The following ADAM12 variants were observed in gnomAD, a reference collection of about 807,000 sequenced individuals.
ADAM12 encodes the protein ADAM metallopeptidase domain 12.
A neutral mutation model predicts 106.4 loss-of-function variants in ADAM12; 70 were observed. The ratio of observed to expected loss-of-function variants is 0.66; its 90% CI spans 0.54 to 0.80. The LOEUF is 0.80. Among genes scored for constraint, ADAM12 ranks in the 30% least tolerant of loss-of-function variants. The probability of loss-of-function intolerance (pLI) is 0.00; values close to 1 mark genes in which losing one functional copy is unlikely to be tolerated. For missense variants in ADAM12, 1,010 were observed against 1,171.9 expected (o/e 0.86, Z 2.02); for synonymous variants, 420 against 433.5 (o/e 0.97, Z 0.39).
At chr10:126,148,678 TC>T (rs1956673440) in intron 4 of ADAM12, among the ~76,000 whole-genome samples, 1 of 152,132 alleles carries the variant, frequency 6.6e-6, no homozygotes, top group Non-Finnish European at 1.5e-5. Context: ...TTCAGTTGCT[TC>T]CCCAGTGGAG....
intron 4 of ADAM12, among the ~76,000 whole-genome samples, chr10:126,151,527 G>T (rs1278502182): frequency 6.6e-6 from 1 of 151,990 alleles, no homozygotes; most frequent in Non-Finnish European, 1.5e-5. Flanking sequence ...TAGGATTTTT[G>T]CAACTACGTC....
intron 3 of ADAM12, among the ~76,000 whole-genome samples, chr10:126,183,077 G>C (rs139120973): frequency 2.8e-4 from 43 of 152,294 alleles, no homozygotes; most frequent in African/African-American, 1.0e-3. Flanking sequence ...AATGTGAACT[G>C]TGCATGCGAG....
chr10:126,036,376 G>A (rs1954061094), intron 20 of ADAM12, 51 bp from the exon 21 acceptor site: 2 of 1,539,524 alleles, frequency 1.3e-6, no homozygotes, highest in Admixed American at 2.2e-5. Flanking sequence ...AAAAATATCA[G>A]TAACTCCTTA....
chr10:126,310,675 T>C (rs886608980), intron 2 of ADAM12, among the ~76,000 whole-genome samples: 1 of 152,192 alleles, frequency 6.6e-6, no homozygotes, highest in African/African-American at 2.4e-5. Flanking sequence ...CTCAAAATTA[T>C]GTAAATACCA....
chr10:126,275,072 T>C (rs368126721), intron 3 of ADAM12, among the ~76,000 whole-genome samples: 3 of 152,322 alleles, frequency 2.0e-5, no homozygotes, highest in African/African-American at 4.8e-5. Flanking sequence ...GGCTATGGAC[T>C]TCCCATGGCA....
At chr10:126,233,866 G>T (rs1377983734) in intron 3 of ADAM12, among the ~76,000 whole-genome samples, 2 of 152,136 alleles carry the variant, frequency 1.3e-5, no homozygotes, top group Non-Finnish European at 2.9e-5. Flanking sequence ...CATTGCACTT[G>T]GTATTTTATG....
At chr10:126,314,321 C>T (rs1226713371) in intron 2 of ADAM12, among the ~76,000 whole-genome samples, 1 of 152,112 alleles carries the variant, frequency 6.6e-6, no homozygotes, top group Non-Finnish European at 1.5e-5. Flanking sequence ...AGAGCAGAAA[C>T]CAGCTGGGGA....
chr10:126,042,355 G>A (rs1466382916), intron 18 of ADAM12: 28 of 1,326,008 alleles, frequency 2.1e-5, no homozygotes, highest in South Asian at 2.0e-4. Flanking sequence ...AAATGGCCAC[G>A]AGTTCAAGCA....
intron 14 of ADAM12, among the ~76,000 whole-genome samples, chr10:126,063,374 C>A (rs982588962): frequency 5.3e-5 from 8 of 152,350 alleles, no homozygotes; most frequent in Admixed American, 2.6e-4. Context: ...CGAGAGACAT[C>A]CATCTTGTTT....
intron 2 of ADAM12, among the ~76,000 whole-genome samples, chr10:126,297,944 T>C (rs1590748473): frequency 6.6e-6 from 1 of 152,082 alleles, no homozygotes; most frequent in East Asian, 1.9e-4. Context: ...AATGAGGGCC[T>C]GCGAAGAGGC....
intron 2 of ADAM12, among the ~76,000 whole-genome samples, chr10:126,312,145 A>C (rs1036831845): frequency 2.0e-5 from 3 of 151,736 alleles, no homozygotes; most frequent in African/African-American, 7.3e-5. Flanking sequence ...AAAAAAAAAA[A>C]AAAAAAACCC....
chr10:126,338,135 A>G (rs1854775226), intron 1 of ADAM12, among the ~76,000 whole-genome samples: 1 of 152,180 alleles, frequency 6.6e-6, no homozygotes, highest in South Asian at 2.1e-4. Flanking sequence ...AAATGTCTAA[A>G]TAGATTCATA....
chr10:126,237,672 T>C (rs894404766), intron 3 of ADAM12, among the ~76,000 whole-genome samples: 5 of 152,208 alleles, frequency 3.3e-5, no homozygotes, highest in Admixed American at 6.5e-5. Context: ...TATTTGGTTA[T>C]AGGTAGAGCC....
intron 14 of ADAM12, among the ~76,000 whole-genome samples, chr10:126,061,848 A>G (rs1954762186): frequency 1.3e-5 from 2 of 152,228 alleles, no homozygotes; most frequent in African/African-American, 4.8e-5. Flanking sequence ...GAACTGTAAA[A>G]TGAAGCATTT....
chr10:126,061,291 T>C (rs1434066439), intron 14 of ADAM12, among the ~76,000 whole-genome samples: 2 of 152,172 alleles, frequency 1.3e-5, no homozygotes, highest in Admixed American at 1.3e-4. Flanking sequence ...ACCACATATA[T>C]TACATGGAAT....
Position 126,231,764 on chromosome 10 carries a change from G to A in ADAM12, c.260+47151C>T, listed in dbSNP as rs112298728. Reference sequence around the variant, plus strand: ...TGCCTCGGGGCGGCTGCTCTCTGTTGGCGCCTCCTCCTCTTCCCAACCTCA... The same window carrying A: ...TGCCTCGGGGCGGCTGCTCTCTGTTAGCGCCTCCTCCTCTTCCCAACCTCA... On this transcript the variant is annotated intron_variant, in intron 3 of 22. Transcript: ENST00000448723. Among the ~76,000 whole-genome samples the A allele has an allele frequency of 8.9e-3, 1,356 of 152,276 alleles. 26 individuals carry two copies. The highest frequency in any genetic ancestry group is 0.031 in the African/African-American group (1,300 of 41,554).
intron 3 of ADAM12, among the ~76,000 whole-genome samples, chr10:126,178,408 CTTTTTTTTTTTTTT>C (rs10549268): frequency 2.9e-5 from 3 of 103,898 alleles, no homozygotes; most frequent in Non-Finnish European, 4.1e-5. Flanking sequence ...TGGAGGACAT[CTTTTTTTTTTTTTT>C]TTTTTTTTTT....
At chr10:126,041,851 G>C (rs1954179339) in intron 18 of ADAM12, 1 of 1,269,370 alleles carries the variant, frequency 7.9e-7, no homozygotes, top group Non-Finnish European at 9.9e-7. Flanking sequence ...GCTGGGGCCT[G>C]CCAGAGTGGT....
At chr10:126,321,476 G>A (rs1854091799) in intron 2 of ADAM12, among the ~76,000 whole-genome samples, 1 of 152,176 alleles carries the variant, frequency 6.6e-6, no homozygotes, top group Non-Finnish European at 1.5e-5. Flanking sequence ...TGTTGGAAAT[G>A]CAGAGCCCTT....
Sources: gnomAD v4.1 joint callset for allele counts (sites outside exome capture counted in the v4.1 genomes callset) on GRCh38, gnomAD v4.1.1 for gene constraint, MANE v1.5 for transcripts, NCBI Gene and HGNC (gene_info 2026-07-23, HGNC 2026-07-21) for gene names.